The following CELF4 variants were observed in gnomAD, a reference collection of about 807,000 sequenced individuals.
CELF4 encodes CUGBP Elav-like family member 4.
CELF4 carries 18 observed loss-of-function variants against 59.9 expected under a neutral mutation model. That is an observed-to-expected ratio of 0.30 (90% CI 0.21 to 0.45). The LOEUF is 0.45. CELF4 is among the 20% of genes least tolerant of loss of function. CELF4 has a pLI of 1.00. For synonymous variants in CELF4, 261 were observed against 267.1 expected, an observed-to-expected ratio of 0.98 and a Z score of 0.22; for missense variants, 456 against 689.0, an observed-to-expected ratio of 0.66 and a Z score of 3.79.
intron 11 of CELF4, among the ~76,000 whole-genome samples, chr18:37,255,108 T>G (rs758627008): frequency 1.4e-4 from 21 of 152,156 alleles, no homozygotes; most frequent in Non-Finnish European, 2.2e-4. Context: ...ACTTAGATCC[T>G]GCAAAATATA....
rs1222415148 is a variant in CELF4 at position 37,485,508 on chromosome 18, C to G, written c.369+17G>C. 5.2e-6 allele frequency: 7 copies of G among 1,338,690 alleles called. No homozygotes were observed. Among genetic ancestry groups the G allele is most frequent in the Non-Finnish European group, 6.8e-6 (7 of 1,036,282 alleles). The allele number at this position is 1,338,690 out of a possible 1,614,324, so 82.9% of individuals were successfully genotyped here. A position where few individuals can be genotyped will look rare whatever the true frequency, so the allele number is the denominator to read the frequency against. On this transcript the variant is annotated intron_variant, in intron 2 of 12. Transcript: ENST00000420428. ...GTCGGCGCGTCGGCCGCTTGCGCCACGGCGGGCGCCACTTACCCCGGGCAG... is the reference window on the plus strand; with the variant it reads ...GTCGGCGCGTCGGCCGCTTGCGCCAGGGCGGGCGCCACTTACCCCGGGCAG...
At chr18:37,280,922 G>GGGAA (rs1368285102) in intron 3 of CELF4, among the ~76,000 whole-genome samples, 1 of 152,196 alleles carries the variant, frequency 6.6e-6, no homozygotes, top group Non-Finnish European at 1.5e-5. Context: ...AAAAGCATTG[G>GGGAA]GTGACACCCG....
Position 37,455,242 on chromosome 18 carries a change from C to T in CELF4, c.369+30283G>A, listed in dbSNP as rs115912831. On this transcript the variant is annotated intron_variant, in intron 2 of 12. Coordinates refer to ENST00000420428, the MANE Select transcript of CELF4 (RefSeq NM_020180.4). ...AATTTCTCAGGCCTATCTGCTCACACCTTCTAAAGGATGAACCATACCAAG... is the reference window on the plus strand; with the variant it reads ...AATTTCTCAGGCCTATCTGCTCACATCTTCTAAAGGATGAACCATACCAAG... Among the ~76,000 whole-genome samples the T allele has an allele frequency of 9.2e-3, 1,395 of 152,296 alleles. 22 individuals carry two copies. The highest frequency in any genetic ancestry group is 0.031 in the African/African-American group (1,296 of 41,558).
chr18:37,472,054 G>T (rs900674269), intron 2 of CELF4, among the ~76,000 whole-genome samples: 1 of 152,252 alleles, frequency 6.6e-6, no homozygotes, highest in African/African-American at 2.4e-5. Context: ...GATTCCAGGG[G>T]TGCTGCTGTG....
At chr18:37,362,393 C>A (rs935207246) in intron 2 of CELF4, among the ~76,000 whole-genome samples, 1 of 152,222 alleles carries the variant, frequency 6.6e-6, no homozygotes, top group African/African-American at 2.4e-5. Flanking sequence ...GGAGGCAGCC[C>A]CATCTCTTCT....
chr18:37,532,206 A>G (rs2099970114), intron 1 of CELF4, among the ~76,000 whole-genome samples: 1 of 152,208 alleles, frequency 6.6e-6, no homozygotes, highest in Non-Finnish European at 1.5e-5. Flanking sequence ...CCATTCATCA[A>G]GGCCAAGATC....
intron 1 of CELF4, among the ~76,000 whole-genome samples, chr18:37,524,788 G>A (rs943296826): frequency 1.1e-4 from 16 of 152,140 alleles, no homozygotes; most frequent in Non-Finnish European, 2.1e-4. Flanking sequence ...GCTGGGGTGC[G>A]CAGCTGCGCT....
intron 1 of CELF4, among the ~76,000 whole-genome samples, chr18:37,525,438 G>C (rs2099962769): frequency 6.6e-6 from 1 of 152,220 alleles, no homozygotes; most frequent in African/African-American, 2.4e-5. Flanking sequence ...TGGGTTGTGG[G>C]GAGGGGAGTG....
intron 2 of CELF4, among the ~76,000 whole-genome samples, chr18:37,342,031 C>T (rs1356121291): frequency 2.6e-5 from 4 of 151,490 alleles, no homozygotes; most frequent in African/African-American, 9.7e-5. Flanking sequence ...TGTGTGTGTG[C>T]GTGTGTGTGT....
chr18:37,289,164 G>A (rs865921866), intron 3 of CELF4, among the ~76,000 whole-genome samples: 96 of 152,174 alleles, frequency 6.3e-4, no homozygotes, highest in African/African-American at 2.0e-3. Flanking sequence ...ATGGGGGATC[G>A]TGGGGTGAGA....
intron 2 of CELF4, among the ~76,000 whole-genome samples, chr18:37,372,884 T>C (rs2098918811): frequency 6.6e-6 from 1 of 151,258 alleles, no homozygotes; most frequent in Non-Finnish European, 1.5e-5. Context: ...GGTCCTGCCT[T>C]AGCATGTGAA....
chr18:37,526,914 C>G (rs139250623), intron 1 of CELF4, among the ~76,000 whole-genome samples: 1 of 152,162 alleles, frequency 6.6e-6, no homozygotes, highest in Non-Finnish European at 1.5e-5. Context: ...CACACCGATT[C>G]TCTGAGAGCT....
intron 1 of CELF4, among the ~76,000 whole-genome samples, chr18:37,510,566 C>G (rs181134423): frequency 6.6e-6 from 1 of 152,356 alleles, no homozygotes; most frequent in East Asian, 1.9e-4. Flanking sequence ...GAAGCCCCAT[C>G]ATGAGCTCTC....
chr18:37,491,483 G>T (rs761191359), intron 1 of CELF4, among the ~76,000 whole-genome samples: 1 of 152,158 alleles, frequency 6.6e-6, no homozygotes, highest in Non-Finnish European at 1.5e-5. Flanking sequence ...TTCAGTGAGG[G>T]TGGAGACGGG....
intron 2 of CELF4, among the ~76,000 whole-genome samples, chr18:37,429,990 A>G (rs1329154788): frequency 3.3e-5 from 5 of 152,160 alleles, no homozygotes; most frequent in Non-Finnish European, 7.3e-5. Context: ...CAGGCCAGCT[A>G]GTTCCTCCTA....
chr18:37,330,495 G>C (rs1012417580), intron 2 of CELF4, among the ~76,000 whole-genome samples: 4 of 152,224 alleles, frequency 2.6e-5, no homozygotes, highest in African/African-American at 9.6e-5. Context: ...AGAGGGGTTA[G>C]AGATTCAAGA....
At chr18:37,307,918 C>T (rs1418074698) in intron 3 of CELF4, among the ~76,000 whole-genome samples, 4 of 152,166 alleles carry the variant, frequency 2.6e-5, no homozygotes, top group Admixed American at 2.6e-4. Context: ...TGACCAACAA[C>T]ATGGAGCTGG....
intron 2 of CELF4, among the ~76,000 whole-genome samples, chr18:37,458,089 C>T (rs890104309): frequency 3.3e-5 from 5 of 152,172 alleles, no homozygotes; most frequent in Admixed American, 3.3e-4. Flanking sequence ...CTTCGAGCAT[C>T]AAAGACAGGC....
At chr18:37,427,522 T>C (rs531556993) in intron 2 of CELF4, among the ~76,000 whole-genome samples, 3 of 152,274 alleles carry the variant, frequency 2.0e-5, no homozygotes, top group East Asian at 1.9e-4. Context: ...GTCCTTTCCG[T>C]GGCCTCTGGG....
Sources: gnomAD v4.1 joint callset for allele counts (sites outside exome capture counted in the v4.1 genomes callset) on GRCh38, gnomAD v4.1.1 for gene constraint, MANE v1.5 for transcripts, NCBI Gene and HGNC (gene_info 2026-07-23, HGNC 2026-07-21) for gene names.